The following BMAL1 variants were observed in gnomAD, a reference collection of about 807,000 sequenced individuals.
BMAL1 encodes the protein basic helix-loop-helix ARNT-like protein 1.
At chr11:13,339,147 C>G in the BMAL1 span, among the ~76,000 whole-genome samples, 2 of 152,348 alleles carry the variant, frequency 1.3e-5, no homozygotes, top group South Asian at 4.1e-4. Context: ...GGGAGTCACC[C>G]CCATGTCTAG....
the BMAL1 span, chr11:13,366,838 C>A: frequency 7.0e-7 from 1 of 1,424,500 alleles, no homozygotes; most frequent in Non-Finnish European, 9.9e-7. Flanking sequence ...GGCAGCCAAC[C>A]CTGAGTGAGC....
the BMAL1 span, among the ~76,000 whole-genome samples, chr11:13,368,105 T>C: frequency 6.6e-6 from 1 of 152,256 alleles, no homozygotes; most frequent in African/African-American, 2.4e-5. Flanking sequence ...CTTGGCTTTT[T>C]TAAGTGACCT....
chr11:13,347,081 C>T, the BMAL1 span, among the ~76,000 whole-genome samples: 1 of 152,176 alleles, frequency 6.6e-6, no homozygotes, highest in African/African-American at 2.4e-5. Context: ...GCTCCCTAAC[C>T]TGGTCTAAGC....
chr11:13,385,033 A>G, the BMAL1 span, among the ~76,000 whole-genome samples: 1 of 152,194 alleles, frequency 6.6e-6, no homozygotes, highest in Non-Finnish European at 1.5e-5. Flanking sequence ...TCCTGAAAGC[A>G]GCAGCTACCA....
the BMAL1 span, among the ~76,000 whole-genome samples, chr11:13,330,684 A>C: frequency 3.9e-5 from 6 of 152,270 alleles, no homozygotes; most frequent in Non-Finnish European, 5.9e-5. Context: ...TAAATATAGA[A>C]TAGTATACTT....
chr11:13,365,657 G>C, the BMAL1 span: 1 of 1,356,782 alleles, frequency 7.4e-7, no homozygotes, highest in Non-Finnish European at 1.0e-6. Context: ...ACTCAATTTT[G>C]TCAGAATAAT....
At chr11:13,349,330 T>C in the BMAL1 span, among the ~76,000 whole-genome samples, 13 of 152,370 alleles carry the variant, frequency 8.5e-5, no homozygotes, top group Admixed American at 2.0e-4. Flanking sequence ...ATTGTTCTTG[T>C]TGTCTGGCTT....
chr11:13,327,098 G>A, the BMAL1 span, among the ~76,000 whole-genome samples: 3 of 151,846 alleles, frequency 2.0e-5, no homozygotes, highest in Admixed American at 1.3e-4. Flanking sequence ...GGGATTACAG[G>A]TGTGAGCCAC....
the BMAL1 span, chr11:13,387,041 A>G: frequency 3.5e-6 from 1 of 282,912 alleles, no homozygotes. Context: ...TTTTTTAATC[A>G]TTGTGCACAG....
the BMAL1 span, among the ~76,000 whole-genome samples, chr11:13,348,912 G>T: frequency 1.3e-5 from 2 of 152,202 alleles, no homozygotes; most frequent in Non-Finnish European, 2.9e-5. Context: ...AGTGGAATTT[G>T]AAATGCCAAA....
chr11:13,379,159 C>G, the BMAL1 span: 2 of 152,184 alleles, frequency 1.3e-5, no homozygotes, highest in African/African-American at 4.8e-5. Flanking sequence ...AGGAAAGTTC[C>G]AGGAACACAG....
the BMAL1 span, among the ~76,000 whole-genome samples, chr11:13,370,539 T>A: frequency 1.3e-5 from 2 of 152,162 alleles, no homozygotes; most frequent in Non-Finnish European, 2.9e-5. Flanking sequence ...GGAGGTGCCC[T>A]CACTTCTGCT....
chr11:13,373,503 T>G, the BMAL1 span, among the ~76,000 whole-genome samples: 1 of 152,158 alleles, frequency 6.6e-6, no homozygotes, highest in Non-Finnish European at 1.5e-5. Flanking sequence ...TTAATCTAAT[T>G]AATGTGGTTC....
the BMAL1 span, among the ~76,000 whole-genome samples, chr11:13,293,852 A>G: frequency 1.3e-5 from 2 of 152,284 alleles, no homozygotes; most frequent in Non-Finnish European, 2.9e-5. Context: ...GATTTGGTCC[A>G]TGGGCAGGTT....
the BMAL1 span, among the ~76,000 whole-genome samples, chr11:13,339,294 C>A: frequency 6.6e-6 from 1 of 152,264 alleles, no homozygotes; most frequent in African/African-American, 2.4e-5. Context: ...TCCCATTGAT[C>A]AGCACAGCCC....
At chr11:13,374,955 C>T in the BMAL1 span, among the ~76,000 whole-genome samples, 2 of 152,208 alleles carry the variant, frequency 1.3e-5, no homozygotes, top group African/African-American at 4.8e-5. Flanking sequence ...TCCAGGCACA[C>T]TGACCTCACT....
chr11:13,338,944 G>A, the BMAL1 span, among the ~76,000 whole-genome samples: 1 of 152,208 alleles, frequency 6.6e-6, no homozygotes, highest in East Asian at 1.9e-4. Context: ...CAGCAACAGG[G>A]CCTGTGGTGT....
the BMAL1 span, among the ~76,000 whole-genome samples, chr11:13,303,293 G>C: frequency 6.6e-6 from 1 of 152,126 alleles, no homozygotes; most frequent in Non-Finnish European, 1.5e-5. Context: ...TGTAGACCCA[G>C]GGTGTACAGC....
chr11:13,284,148 ATATATATATATG>A, the BMAL1 span, among the ~76,000 whole-genome samples: 352 of 31,360 alleles, frequency 0.011, 19 homozygotes, highest in Admixed American at 0.018. Flanking sequence ...ATATATGTGT[ATATATATATATG>A]TGTGTATATA....
Sources: gnomAD v4.1 joint callset for allele counts (sites outside exome capture counted in the v4.1 genomes callset) on GRCh38, gnomAD v4.1.1 for gene constraint, MANE v1.5 for transcripts, NCBI Gene and HGNC (gene_info 2026-07-23, HGNC 2026-07-21) for gene names.